Variants in PAQR3 observed in about 807,000 individuals in gnomAD.
The protein encoded by PAQR3 is progestin and adipoQ receptor family member 3.
Under a neutral mutation model 41.7 loss-of-function variants are expected in PAQR3, and 39 were observed. The observed-to-expected ratio is 0.93, with a 90% CI of 0.72 to 1.22. The LOEUF (loss-of-function observed/expected upper bound fraction) is 1.22, where lower values mean the gene tolerates loss of function less well. Ranked by LOEUF, PAQR3 falls within the 50% of genes most tolerant of loss-of-function variation. PAQR3 has a pLI of 0.00. For synonymous variants in PAQR3, 140 were observed against 140.6 expected, an observed-to-expected ratio of 1.00 and a Z score of 0.03; for missense variants, 366 against 385.6, an observed-to-expected ratio of 0.95 and a Z score of 0.42.
At chr4:78,900,391 TTCAAGGC>T (rs1366942981) in intron 11 of PAQR3, among the ~76,000 whole-genome samples, 6 of 152,326 alleles carry the variant, frequency 3.9e-5, no homozygotes, top group Non-Finnish European at 7.3e-5. Context: ...CCCCTCATTG[TTCAAGGC>T]TCAACTGTAT....
chr4:78,887,235 C>T (rs1733145140), exon 13 of PAQR3: 1 of 1,611,826 alleles, frequency 6.2e-7, no homozygotes, highest in Non-Finnish European at 8.5e-7. Context: ...CTCCACATAA[C>T]CATCCTCCAG....
intron 4 of PAQR3, among the ~76,000 whole-genome samples, chr4:78,924,689 A>G (rs1736011002): frequency 6.7e-6 from 1 of 148,690 alleles, no homozygotes; most frequent in African/African-American, 2.5e-5. Flanking sequence ...CCTGGGTAAC[A>G]TAGTAAGACA....
intron 11 of PAQR3, among the ~76,000 whole-genome samples, chr4:78,893,124 GA>G (rs1369072283): frequency 6.6e-6 from 1 of 152,184 alleles, no homozygotes; most frequent in Non-Finnish European, 1.5e-5. Flanking sequence ...ATTGCTTTAT[GA>G]ATTATGTTTA....
intron 11 of PAQR3, among the ~76,000 whole-genome samples, chr4:78,895,266 C>T (rs1733641938): frequency 6.6e-6 from 1 of 152,130 alleles, no homozygotes; most frequent in Admixed American, 6.6e-5. Flanking sequence ...TGAAGTCTGG[C>T]ACAATACAAA....
rs979302566 is a variant in PAQR3, at chr4:78,919,346, A to G, written c.*1193T>C. Reference sequence around the variant, plus strand: ...TATGAATGTCTACTTTAAGGGATTTAACTAATGCATATGAAAGACCAAAGA... The same window carrying G: ...TATGAATGTCTACTTTAAGGGATTTGACTAATGCATATGAAAGACCAAAGA... On this transcript the variant is annotated 3_prime_UTR_variant, in exon 6 of 6. Transcript: ENST00000512733. 6 of 983,368 alleles carry G rather than the reference A, an allele frequency of 6.1e-6. No homozygotes were observed. Among genetic ancestry groups the G allele is most frequent in the Non-Finnish European group, 7.2e-6 (6 of 828,278 alleles). The allele number at this position is 983,368 out of a possible 1,614,324, so 60.9% of individuals were successfully genotyped here. A position where few individuals can be genotyped will look rare whatever the true frequency, so the allele number is the denominator to read the frequency against.
At chr4:78,905,421 G>A (rs1327866153) in intron 11 of PAQR3, among the ~76,000 whole-genome samples, 1 of 151,714 alleles carries the variant, frequency 6.6e-6, no homozygotes, top group Admixed American at 6.6e-5. Context: ...ATTACTTAGA[G>A]CCAAAAATAA....
intron 3 of PAQR3, among the ~76,000 whole-genome samples, chr4:78,929,561 T>C (rs1410304138): frequency 6.6e-6 from 1 of 152,214 alleles, no homozygotes; most frequent in African/African-American, 2.4e-5. Flanking sequence ...CTGACTTTTG[T>C]GTGAACTTAG....
chr4:78,937,644 G>C (rs1737571177), intron 1 of PAQR3, among the ~76,000 whole-genome samples: 1 of 152,160 alleles, frequency 6.6e-6, no homozygotes, highest in Non-Finnish European at 1.5e-5. Context: ...AGCAGATACT[G>C]TGATTACCCT....
At position 78,926,383 on chromosome 4, in the gene PAQR3, G is replaced by A; in HGVS notation, c.702+138C>T. 8.8e-6 allele frequency: 6 copies of A among 683,502 alleles called. 1 individual carries two copies. The South Asian group carries it at 1.2e-4, about 14-fold the overall frequency. The allele number at this position is 683,502 out of a possible 1,614,324, so 42.3% of individuals were successfully genotyped here. On this transcript the variant is annotated intron_variant, in intron 4 of 5. Transcript: ENST00000512733. Reference sequence around the variant, plus strand: ...TTATTTATATGGCTGTGAAAATTACGGCATCAACATGCAATTACAAATATG... The same window carrying A: ...TTATTTATATGGCTGTGAAAATTACAGCATCAACATGCAATTACAAATATG...
rs148294181 is a variant in PAQR3 at position 78,930,546 on chromosome 4, G to C, written c.349-221C>G. The C allele has an allele frequency of 9.0e-5, 31 of 345,288 alleles. No homozygotes were observed. The East Asian group carries it at 1.4e-3, about 15-fold the overall frequency. The allele number at this position is 345,288 out of a possible 1,614,324, so 21.4% of individuals were successfully genotyped here. A position where few individuals can be genotyped will look rare whatever the true frequency, so the allele number is the denominator to read the frequency against. On this transcript the variant is annotated intron_variant, in intron 2 of 5. Transcript: ENST00000512733. ...TCAGTTCCCTCATGGGTAAAATGTA[G>C]ATAATAATAATGAAGGAGAAAATTT... is the stretch of plus-strand genomic sequence containing the variant.
chr4:78,921,067 C>T (rs1031004859), intron 5 of PAQR3, among the ~76,000 whole-genome samples: 2 of 151,688 alleles, frequency 1.3e-5, no homozygotes, highest in African/African-American at 2.4e-5. Flanking sequence ...TATAAATCCG[C>T]GAGAAGGAGA....
Position 78,935,202 on chromosome 4 carries a change from A to G in PAQR3, c.267T>C (p.Tyr89=), listed in dbSNP as rs1472101252. ...CTGAAGGTAACACAGATGTCATGTCATATATTCCCAGGGTGAAGAAGAGAA... is the reference window on the plus strand; with the variant it reads ...CTGAAGGTAACACAGATGTCATGTCGTATATTCCCAGGGTGAAGAAGAGAA... ...GFFLFFTLGI[Y]DMTSVLPSAS... Residue 89 remains tyrosine, a synonymous_variant, in exon 2 of 6, where the codon TAT becomes TAC. Coordinates refer to ENST00000512733, the MANE Select transcript of PAQR3 (RefSeq NM_001040202.2). 3 of 1,613,734 alleles carry G rather than the reference A, an allele frequency of 1.9e-6. No individual in the cohort carries two copies. The highest frequency in any genetic ancestry group is 2.5e-6 in the Non-Finnish European group (3 of 1,179,770).
intron 12 of PAQR3, among the ~76,000 whole-genome samples, chr4:78,887,852 A>G (rs1236400474): frequency 6.6e-6 from 1 of 152,204 alleles, no homozygotes; most frequent in South Asian, 2.1e-4. Flanking sequence ...TCATGTATGT[A>G]TGGTTATAGT....
At chr4:78,894,662 C>T (rs1214964289) in intron 11 of PAQR3, among the ~76,000 whole-genome samples, 2 of 152,162 alleles carry the variant, frequency 1.3e-5, no homozygotes, top group African/African-American at 4.8e-5. Context: ...CCTTTCTTAC[C>T]GTTCATCACT....
At chr4:78,921,520 G>GTC (rs778157956) in intron 5 of PAQR3, 8 of 273,462 alleles carry the variant, frequency 2.9e-5, no homozygotes, top group Non-Finnish European at 4.4e-5. Context: ...GCCTCTGGCA[G>GTC]TCTAGTGAAG....
chr4:78,938,867 G>T (rs1447867676), intron 1 of PAQR3, among the ~76,000 whole-genome samples, 173 bp downstream of exon 1: 1 of 151,636 alleles, frequency 6.6e-6, no homozygotes, highest in Non-Finnish European at 1.5e-5. Context: ...CAAGTACCCC[G>T]GCCAGGTAAG....
intron 1 of PAQR3, 81 bp downstream of exon 1, chr4:78,938,959 G>C (rs1737734230): frequency 1.5e-6 from 2 of 1,344,122 alleles, no homozygotes; most frequent in East Asian, 2.6e-5. Flanking sequence ...GCAGAAAGGC[G>C]GGGAAAGCAG....
chr4:78,914,185 C>G lies in PAQR3; in HGVS notation c.*6354G>C, dbSNP rs577739767. The G allele has an allele frequency of 2.0e-5, 3 of 152,046 alleles. No individual in the cohort carries two copies. The South Asian group carries it at 6.2e-4, about 32-fold the overall frequency. 9.4% of individuals were successfully genotyped at this position (152,046 alleles called of 1,614,324 possible). ...ATTTAGAAAAGGGGTAGAGGATGAA[C>G]TAATGTCTCCTTCAGATGTAAACAT... is the stretch of plus-strand genomic sequence containing the variant. On this transcript the variant is annotated 3_prime_UTR_variant, in exon 6 of 6. Coordinates refer to ENST00000512733, the MANE Select transcript of PAQR3 (RefSeq NM_001040202.2).
chr4:78,923,573 AATAGTGCTTGGG>A, intron 5 of PAQR3: 1 of 398,678 alleles, frequency 2.5e-6, no homozygotes, highest in South Asian at 3.5e-5. Context: ...TTTTAAAAGA[AATAGTGCTTGGG>A]AGTCAGAAGA....
Sources: gnomAD v4.1 joint callset for allele counts (sites outside exome capture counted in the v4.1 genomes callset) on GRCh38, gnomAD v4.1.1 for gene constraint, MANE v1.5 for transcripts, NCBI Gene and HGNC (gene_info 2026-07-23, HGNC 2026-07-21) for gene names.